EGFLAM: variants seen among roughly 807,000 people sequenced by gnomAD.
EGFLAM encodes EGF like, fibronectin type III and laminin G domains.
Under a neutral mutation model 113.1 loss-of-function variants are expected in EGFLAM, and 79 were observed. That is an observed-to-expected ratio of 0.70 (90% CI 0.58 to 0.84). The LOEUF is 0.84. EGFLAM is among the 40% of genes least tolerant of loss of function. The probability of loss-of-function intolerance (pLI) is 0.00; values close to 1 mark genes in which losing one functional copy is unlikely to be tolerated. For synonymous variants in EGFLAM, 504 were observed against 487.6 expected (o/e 1.03, Z -0.44); for missense variants, 1,265 against 1,291.6 (o/e 0.98, Z 0.32).
intron 3 of EGFLAM, among the ~76,000 whole-genome samples, chr5:38,350,246 T>C (rs764971868): frequency 1.3e-4 from 20 of 152,190 alleles, no homozygotes; most frequent in Non-Finnish European, 2.2e-4. Flanking sequence ...CAGTAACATT[T>C]GCTAGTGTGA....
intron 6 of EGFLAM, among the ~76,000 whole-genome samples, chr5:38,395,061 C>T (rs1740921980): frequency 6.6e-6 from 1 of 152,006 alleles, no homozygotes; most frequent in African/African-American, 2.4e-5. Flanking sequence ...CTGTCTCAGC[C>T]TCCTGAGTAG....
intron 11 of EGFLAM, among the ~76,000 whole-genome samples, chr5:38,417,056 A>G (rs1441106282): frequency 6.6e-6 from 1 of 152,040 alleles, no homozygotes; most frequent in Non-Finnish European, 1.5e-5. Flanking sequence ...TTTGGTCATA[A>G]AAAAAAGAAT....
chr5:38,355,710 C>G (rs570556899), intron 5 of EGFLAM, among the ~76,000 whole-genome samples: 1 of 152,226 alleles, frequency 6.6e-6, no homozygotes, highest in Admixed American at 6.5e-5. Context: ...AATTAAAATG[C>G]GTTTTAACAT....
At chr5:38,407,323 C>T (rs988795410) in intron 8 of EGFLAM, among the ~76,000 whole-genome samples, 177 bp downstream of exon 8, 1 of 152,234 alleles carries the variant, frequency 6.6e-6, no homozygotes, top group Non-Finnish European at 1.5e-5. Flanking sequence ...ACTTTCATTG[C>T]TTCTAAGTAG....
chr5:38,398,827 A>G (rs1741028939), intron 6 of EGFLAM, among the ~76,000 whole-genome samples: 1 of 152,232 alleles, frequency 6.6e-6, no homozygotes, highest in Non-Finnish European at 1.5e-5. Flanking sequence ...GAAAGAGATG[A>G]CCCAGTTTCT....
chr5:38,397,698 C>T (rs535965035), intron 6 of EGFLAM, among the ~76,000 whole-genome samples: 1 of 152,320 alleles, frequency 6.6e-6, no homozygotes, highest in South Asian at 2.1e-4. Flanking sequence ...CAAGCACCTT[C>T]ACTGCCTAAG....
chr5:38,372,826 A>G (rs2112040414), intron 6 of EGFLAM, among the ~76,000 whole-genome samples: 1 of 152,328 alleles, frequency 6.6e-6, no homozygotes. Context: ...TTAGTATTTC[A>G]ATCGTGGTTT....
chr5:38,310,802 T>C (rs563503825), intron 1 of EGFLAM, among the ~76,000 whole-genome samples: 6 of 152,334 alleles, frequency 3.9e-5, no homozygotes, highest in African/African-American at 1.4e-4. Context: ...GACACGCCAC[T>C]ATTTAAGCCA....
At chr5:38,281,492 C>T (rs1758020239) in intron 1 of EGFLAM, among the ~76,000 whole-genome samples, 1 of 152,106 alleles carries the variant, frequency 6.6e-6, no homozygotes, top group African/African-American at 2.4e-5. Flanking sequence ...TTTAACTGGA[C>T]ATTCTGTGTT....
At chr5:38,297,028 C>A (rs748441966) in intron 1 of EGFLAM, among the ~76,000 whole-genome samples, 3 of 151,992 alleles carry the variant, frequency 2.0e-5, no homozygotes, top group Non-Finnish European at 2.9e-5. Flanking sequence ...AAGTCATGAA[C>A]GACAACGAAA....
intron 17 of EGFLAM, among the ~76,000 whole-genome samples, chr5:38,447,508 C>T (rs1277694017): frequency 6.6e-6 from 1 of 152,126 alleles, no homozygotes; most frequent in Non-Finnish European, 1.5e-5. Context: ...TAATTCCCAG[C>T]ACTTTAGGAG....
chr5:38,433,807 T>C (rs1742261861), intron 15 of EGFLAM, among the ~76,000 whole-genome samples: 1 of 152,230 alleles, frequency 6.6e-6, no homozygotes, highest in South Asian at 2.1e-4. Context: ...GCCACAAGAA[T>C]TCCTGAAAGC....
chr5:38,348,366 C>G (rs1739528610), intron 3 of EGFLAM, among the ~76,000 whole-genome samples: 1 of 152,012 alleles, frequency 6.6e-6, no homozygotes. Context: ...TGGGAAAGAC[C>G]AATCCTTAGA....
At chr5:38,305,808 C>T (rs372202624) in intron 1 of EGFLAM, among the ~76,000 whole-genome samples, 144 of 152,296 alleles carry the variant, frequency 9.5e-4, no homozygotes, top group African/African-American at 3.2e-3. Flanking sequence ...GTCACCCTCT[C>T]GCTGTGACCC....
chr5:38,324,682 A>T (rs1043144605), intron 1 of EGFLAM, among the ~76,000 whole-genome samples: 3 of 152,168 alleles, frequency 2.0e-5, no homozygotes, highest in African/African-American at 7.2e-5. Context: ...TTTCATTTAC[A>T]AACACACATT....
intron 1 of EGFLAM, among the ~76,000 whole-genome samples, chr5:38,259,357 TG>T (rs1329856600): frequency 6.6e-6 from 1 of 152,236 alleles, no homozygotes; most frequent in Non-Finnish European, 1.5e-5. Flanking sequence ...TCTTCCACTC[TG>T]GGGCCATTTG....
chr5:38,338,847 T>G, intron 3 of EGFLAM, 66 bp downstream of exon 3: 2 of 1,317,328 alleles, frequency 1.5e-6, no homozygotes, highest in Non-Finnish European at 2.2e-6. Flanking sequence ...GATTGCTGAT[T>G]TGGTGTGTGT....
At chr5:38,266,790 A>G (rs1240073920) in intron 1 of EGFLAM, among the ~76,000 whole-genome samples, 1 of 152,234 alleles carries the variant, frequency 6.6e-6, no homozygotes, top group Non-Finnish European at 1.5e-5. Flanking sequence ...CCTAAAACAG[A>G]ATTATCCAAA....
intron 17 of EGFLAM, chr5:38,445,785 A>C (rs1742689183): frequency 6.9e-7 from 1 of 1,440,422 alleles, no homozygotes; most frequent in East Asian, 2.3e-5. Context: ...ACCCGGGGTG[A>C]GTGGTGTGGG....
Sources: allele counts gnomAD v4.1 joint callset (sites outside exome capture counted in the v4.1 genomes callset), GRCh38; gene constraint gnomAD v4.1.1; transcripts MANE v1.5; gene names NCBI Gene and HGNC (gene_info 2026-07-23, HGNC 2026-07-21).